Variants in ELOVL6 observed in about 807,000 individuals in gnomAD.
The protein encoded by ELOVL6 is ELOVL fatty acid elongase 6.
In ELOVL6, 8 loss-of-function variants were observed where a neutral mutation model predicts 31.7. The ratio of observed to expected loss-of-function variants is 0.25; its 90% confidence interval spans 0.15 to 0.45. The LOEUF (loss-of-function observed/expected upper bound fraction) is 0.45, where lower values mean the gene tolerates loss of function less well. ELOVL6 is among the 20% of genes least tolerant of loss of function. The pLI, the probability that ELOVL6 is intolerant of heterozygous loss-of-function variation, is 1.00. For missense variants in ELOVL6, 126 were observed against 326.4 expected (o/e 0.39, Z 4.73); for synonymous variants, 101 against 117.7 (o/e 0.86, Z 0.92).
chr4:110,134,185 G>A (rs573092374), intron 1 of ELOVL6, among the ~76,000 whole-genome samples: 2 of 152,316 alleles, frequency 1.3e-5, no homozygotes, highest in African/African-American at 4.8e-5. Flanking sequence ...TTCATTAGGT[G>A]TGGTGCTCAG....
intron 1 of ELOVL6, among the ~76,000 whole-genome samples, chr4:110,168,554 A>T (rs1213476759): frequency 1.3e-5 from 2 of 152,070 alleles, no homozygotes; most frequent in African/African-American, 4.8e-5. Flanking sequence ...CAATGGATGC[A>T]ATCAGAACTT....
rs909251627 is a variant in ELOVL6, at chr4:110,154,333, G to A, written c.89+43914C>T. ...TGCAGTGGTGCGCTATCAGCTCACT[G>A]CAGCCTCCGCCTCCCAGGTTCAGGT... On this transcript the variant is annotated intron_variant, in intron 1 of 3. Coordinates refer to ENST00000302274, the MANE Select transcript of ELOVL6 (RefSeq NM_024090.3). Among the ~76,000 whole-genome samples, 41 of 152,276 alleles carry A rather than the reference G, an allele frequency of 2.7e-4. 1 individual carries two copies. Among genetic ancestry groups the A allele is most frequent in the South Asian group, 4.1e-4 (2 of 4,826 alleles).
intron 2 of ELOVL6, among the ~76,000 whole-genome samples, chr4:110,095,333 T>A (rs1351703378): frequency 6.6e-6 from 1 of 151,940 alleles, no homozygotes; most frequent in African/African-American, 2.4e-5. Context: ...AATACAAAAA[T>A]TAGCTGGGCG....
chr4:110,121,065 T>G lies in ELOVL6; in HGVS notation c.90-15437A>C, dbSNP rs1205195463. The stretch of plus-strand genomic sequence containing the variant: ...ATCCACCTACCTCGGCCTCCCAAAG[T>G]GCTGAGATTACAGGCCTGAGCCTGT... On this transcript the variant is annotated intron_variant, in intron 1 of 3. Coordinates refer to ENST00000302274, the MANE Select transcript of ELOVL6 (RefSeq NM_024090.3). Among the ~76,000 whole-genome samples the G allele has an allele frequency of 2.0e-5, 3 of 151,998 alleles. No homozygotes were observed. In the East Asian group the frequency reaches 5.8e-4, roughly 29 times the overall value.
chr4:110,078,325 A>C (rs564632315), intron 2 of ELOVL6, among the ~76,000 whole-genome samples: 12 of 152,226 alleles, frequency 7.9e-5, no homozygotes, highest in Non-Finnish European at 1.3e-4. Flanking sequence ...AAAAATGTTA[A>C]GGGCAGCCAG....
At chr4:110,079,620 T>A (rs902475966) in intron 2 of ELOVL6, among the ~76,000 whole-genome samples, 3 of 152,126 alleles carry the variant, frequency 2.0e-5, no homozygotes, top group Non-Finnish European at 4.4e-5. Flanking sequence ...CAGCACTAAA[T>A]GCCCACAAGA....
chr4:110,130,768 A>T (rs137917226), intron 1 of ELOVL6, among the ~76,000 whole-genome samples: 11 of 152,326 alleles, frequency 7.2e-5, no homozygotes, highest in Non-Finnish European at 1.3e-4. Context: ...TCAGAAGCTC[A>T]ACCTGTCTGG....
At chr4:110,124,672 A>C (rs1262240344) in intron 1 of ELOVL6, among the ~76,000 whole-genome samples, 1 of 152,110 alleles carries the variant, frequency 6.6e-6, no homozygotes, top group East Asian at 1.9e-4. Flanking sequence ...TTACCTATGT[A>C]ACAAACCTGT....
intron 1 of ELOVL6, among the ~76,000 whole-genome samples, chr4:110,109,881 T>C (rs1296913137): frequency 6.6e-6 from 1 of 152,220 alleles, no homozygotes; most frequent in Non-Finnish European, 1.5e-5. Context: ...CTCTTTCATG[T>C]CGTATCTACA....
intron 1 of ELOVL6, among the ~76,000 whole-genome samples, chr4:110,125,751 T>G (rs1560834100): frequency 6.6e-6 from 1 of 151,234 alleles, no homozygotes; most frequent in Non-Finnish European, 1.5e-5. Context: ...CGCTTGAACC[T>G]GGGAGGTGGA....
chr4:110,073,092 A>C lies in ELOVL6; in HGVS notation c.222-13338T>G, dbSNP rs183951924. Among the ~76,000 whole-genome samples, 359 of 152,278 alleles carry C rather than the reference A, an allele frequency of 2.4e-3. 1 individual carries two copies. Among genetic ancestry groups the C allele is most frequent in the African/African-American group, 8.4e-3 (350 of 41,572 alleles). On this transcript the variant is annotated intron_variant, in intron 2 of 3. Coordinates refer to ENST00000302274, the MANE Select transcript of ELOVL6 (RefSeq NM_024090.3). Reference sequence around the variant, plus strand: ...GTACCTATTCTACTGATTTCCGTGCATTTCATCCTTACAATTTTTTTAAGG... The same window carrying C: ...GTACCTATTCTACTGATTTCCGTGCCTTTCATCCTTACAATTTTTTTAAGG...
intron 1 of ELOVL6, among the ~76,000 whole-genome samples, chr4:110,171,847 A>G (rs1009138286): frequency 1.3e-5 from 2 of 151,532 alleles, no homozygotes; most frequent in African/African-American, 4.9e-5. Context: ...ATGCCACCAC[A>G]CTTGGCTTAT....
chr4:110,089,521 C>T (rs942913790), intron 2 of ELOVL6, among the ~76,000 whole-genome samples: 1 of 152,086 alleles, frequency 6.6e-6, no homozygotes, highest in Non-Finnish European at 1.5e-5. Flanking sequence ...AGCTTATAAG[C>T]CTGGAATTGA....
rs1754786688 is a variant in ELOVL6, at chr4:110,049,658, C to T, written c.*1680G>A. On this transcript the variant is annotated 3_prime_UTR_variant, in exon 4 of 4. Coordinates refer to ENST00000302274, the MANE Select transcript of ELOVL6 (RefSeq NM_024090.3). ...GGGCTTTGAAGTTCAGTGTACCCCA[C>T]ATCTGTGTGTCTGTGTGTGTATGCG... 1 of 151,378 alleles carries T rather than the reference C, an allele frequency of 6.6e-6. No homozygotes were observed. Among genetic ancestry groups the T allele is most frequent in the Non-Finnish European group, 1.5e-5 (1 of 67,898 alleles). 9.4% of individuals were successfully genotyped at this position (151,378 alleles called of 1,614,324 possible). A position where few individuals can be genotyped will look rare whatever the true frequency, so the allele number is the denominator to read the frequency against.
intron 2 of ELOVL6, among the ~76,000 whole-genome samples, chr4:110,093,430 C>T: frequency 6.6e-6 from 1 of 152,154 alleles, no homozygotes; most frequent in East Asian, 1.9e-4. Context: ...CAATTCAAGT[C>T]ATATAAGGTT....
At chr4:110,062,130 A>C (rs1755159277) in intron 2 of ELOVL6, among the ~76,000 whole-genome samples, 1 of 152,192 alleles carries the variant, frequency 6.6e-6, no homozygotes. Context: ...TATTTGAATT[A>C]GGGGCAAATA....
intron 1 of ELOVL6, among the ~76,000 whole-genome samples, chr4:110,182,440 T>C (rs1436809161): frequency 6.6e-6 from 1 of 152,158 alleles, no homozygotes; most frequent in Non-Finnish European, 1.5e-5. Context: ...AATGAATTAG[T>C]TTTTTTAAGA....
intron 2 of ELOVL6, among the ~76,000 whole-genome samples, chr4:110,064,130 T>C (rs1005966041): frequency 6.6e-6 from 1 of 151,224 alleles, no homozygotes; most frequent in African/African-American, 2.4e-5. Context: ...ACCATACATA[T>C]CATTTTTGTC....
chr4:110,192,729 G>T (rs192102462), intron 1 of ELOVL6, among the ~76,000 whole-genome samples: 32 of 152,144 alleles, frequency 2.1e-4, no homozygotes, highest in Admixed American at 2.0e-3. Context: ...TATTTTCTAG[G>T]ACCCCACACA....
Sources: gnomAD v4.1 joint callset for allele counts (sites outside exome capture counted in the v4.1 genomes callset) on GRCh38, gnomAD v4.1.1 for gene constraint, MANE v1.5 for transcripts, NCBI Gene and HGNC (gene_info 2026-07-23, HGNC 2026-07-21) for gene names.